The following MAPKAP1 variants were observed in gnomAD, a reference collection of about 807,000 sequenced individuals.
MAPKAP1 encodes target of rapamycin complex 2 subunit MAPKAP1.
MAPKAP1 carries 20 observed loss-of-function variants against 65.7 expected under a neutral mutation model. The ratio of observed to expected loss-of-function variants is 0.30; its 90% confidence interval spans 0.21 to 0.44. MAPKAP1 has a LOEUF of 0.44. Ranked by LOEUF, MAPKAP1 falls within the 20% of genes least tolerant of loss-of-function variation. MAPKAP1 has a pLI of 1.00. For missense variants in MAPKAP1, 423 were observed against 648.0 expected, an observed-to-expected ratio of 0.65 and a Z score of 3.77; for synonymous variants, 222 against 244.3, an observed-to-expected ratio of 0.91 and a Z score of 0.85.
At chr9:125,460,056 G>A (rs2132970700) in intron 10 of MAPKAP1, among the ~76,000 whole-genome samples, 1 of 152,172 alleles carries the variant, frequency 6.6e-6, no homozygotes, top group Admixed American at 6.5e-5. Flanking sequence ...TTATCCAGCT[G>A]AGAAATCTTT....
At chr9:125,476,646 C>T (rs1854121575) in intron 9 of MAPKAP1, among the ~76,000 whole-genome samples, 1 of 152,088 alleles carries the variant, frequency 6.6e-6, no homozygotes, top group Admixed American at 6.5e-5. Context: ...TCCAGGCCAC[C>T]GCTGCTGCTT....
At chr9:125,459,213 G>A (rs1199843871) in intron 10 of MAPKAP1, among the ~76,000 whole-genome samples, 4 of 149,676 alleles carry the variant, frequency 2.7e-5, no homozygotes, top group Non-Finnish European at 4.5e-5. Flanking sequence ...CATCTCAGAC[G>A]ATGGGCGGCG....
At chr9:125,577,502 A>G (rs866687649) in intron 5 of MAPKAP1, among the ~76,000 whole-genome samples, 93 of 80,190 alleles carry the variant, frequency 1.2e-3, no homozygotes, top group African/African-American at 1.8e-3. Context: ...CTGCCAGGCC[A>G]CCCCTACTGG....
chr9:125,444,013 C>T (rs544090012), intron 11 of MAPKAP1, among the ~76,000 whole-genome samples: 10 of 152,204 alleles, frequency 6.6e-5, no homozygotes, highest in Admixed American at 1.3e-4. Context: ...GCCAGGCACA[C>T]GGAAGGTGCT....
intron 7 of MAPKAP1, among the ~76,000 whole-genome samples, chr9:125,524,971 C>G (rs1271746440): frequency 2.6e-5 from 4 of 152,240 alleles, no homozygotes; most frequent in Admixed American, 2.0e-4. Context: ...GCTGCTCTGA[C>G]AAGGGGCCTC....
intron 1 of MAPKAP1, among the ~76,000 whole-genome samples, chr9:125,688,242 G>A (rs1278057232): frequency 6.6e-6 from 1 of 151,986 alleles, no homozygotes; most frequent in Admixed American, 6.6e-5. Context: ...AGGTTCAAGC[G>A]ATTCTCCTAC....
At chr9:125,442,724 T>C (rs1223646401) in intron 11 of MAPKAP1, among the ~76,000 whole-genome samples, 1 of 152,120 alleles carries the variant, frequency 6.6e-6, no homozygotes, top group Non-Finnish European at 1.5e-5. Flanking sequence ...GGGGCTCTGA[T>C]CAGGCTGGTC....
chr9:125,677,586 C>T (rs892897822), intron 1 of MAPKAP1, among the ~76,000 whole-genome samples: 9 of 152,046 alleles, frequency 5.9e-5, no homozygotes, highest in Non-Finnish European at 1.0e-4. Context: ...GTGTCAGCTA[C>T]TCGGGAGGCT....
chr9:125,686,620 C>T (rs1048088292), intron 1 of MAPKAP1, among the ~76,000 whole-genome samples: 2 of 152,136 alleles, frequency 1.3e-5, no homozygotes, highest in Admixed American at 6.6e-5. Flanking sequence ...TGGGTGTTTT[C>T]GCTTCACATT....
chr9:125,687,238 T>C (rs1474274410), intron 1 of MAPKAP1, among the ~76,000 whole-genome samples: 2 of 151,998 alleles, frequency 1.3e-5, no homozygotes, highest in Non-Finnish European at 2.9e-5. Flanking sequence ...GAAACTAATA[T>C]TAACAGAAAA....
At chr9:125,694,728 G>A (rs1835333013) in intron 1 of MAPKAP1, among the ~76,000 whole-genome samples, 1 of 152,188 alleles carries the variant, frequency 6.6e-6, no homozygotes, top group South Asian at 2.1e-4. Flanking sequence ...CAAAGACTGT[G>A]GGAAGGGAAT....
At chr9:125,486,163 C>T (rs1458208852) in intron 8 of MAPKAP1, among the ~76,000 whole-genome samples, 3 of 152,194 alleles carry the variant, frequency 2.0e-5, no homozygotes, top group South Asian at 2.1e-4. Context: ...GCATTTCACA[C>T]GTTACTGCAT....
chr9:125,597,962 T>C lies in MAPKAP1; in HGVS notation c.499-12235A>G, dbSNP rs186527072. On this transcript the variant is annotated intron_variant, in intron 4 of 11. Transcript: ENST00000265960. ...TCTCAAATGAGCACTACTCTAATGA[T>C]AATTAATGGACTTCATTTGATCAGA... Among the ~76,000 whole-genome samples, 5 of 152,124 alleles carry C rather than the reference T, an allele frequency of 3.3e-5. No homozygotes were observed. In the East Asian group the frequency reaches 9.7e-4, roughly 29 times the overall value.
intron 1 of MAPKAP1, among the ~76,000 whole-genome samples, chr9:125,684,102 T>C (rs574309057): frequency 1.3e-5 from 2 of 152,348 alleles, no homozygotes; most frequent in South Asian, 2.1e-4. Flanking sequence ...CATATGAATA[T>C]TATTTTTAAG....
chr9:125,583,377 A>G (rs1831682365), intron 5 of MAPKAP1, among the ~76,000 whole-genome samples: 1 of 152,198 alleles, frequency 6.6e-6, no homozygotes, highest in South Asian at 2.1e-4. Flanking sequence ...TTTGCACGTA[A>G]TTGTATTATA....
At position 125,613,476 on chromosome 9, in the gene MAPKAP1, C is replaced by T. The variant is rs149895812; in HGVS notation, c.499-27749G>A. On this transcript the variant is annotated intron_variant, in intron 4 of 11. Transcript: ENST00000265960. ...AATGTAAGAGGCCTGACCCCCTTAC[C>T]CTAACTTGGGACAACTGTGAAGGTC... Among the ~76,000 whole-genome samples, 839 of 152,264 alleles carry T rather than the reference C, an allele frequency of 5.5e-3. 6 individuals are homozygous for T. Among genetic ancestry groups the T allele is most frequent in the African/African-American group, 0.019 (774 of 41,558 alleles).
At chr9:125,621,975 A>G (rs1031920999) in intron 4 of MAPKAP1, among the ~76,000 whole-genome samples, 1 of 152,254 alleles carries the variant, frequency 6.6e-6, no homozygotes, top group African/African-American at 2.4e-5. Flanking sequence ...GCCTGTCATC[A>G]TCACTGGCAA....
At chr9:125,575,989 C>T (rs966194656) in intron 5 of MAPKAP1, among the ~76,000 whole-genome samples, 3 of 152,174 alleles carry the variant, frequency 2.0e-5, no homozygotes, top group Non-Finnish European at 4.4e-5. Flanking sequence ...GTGGTAAATC[C>T]ATGCAGTCCA....
intron 5 of MAPKAP1, among the ~76,000 whole-genome samples, chr9:125,560,374 C>A (rs1360981401): frequency 6.6e-6 from 1 of 151,944 alleles, no homozygotes; most frequent in South Asian, 2.1e-4. Flanking sequence ...TCGCTTGATC[C>A]CAGGAGTTCA....
Sources: allele counts gnomAD v4.1 joint callset (sites outside exome capture counted in the v4.1 genomes callset), GRCh38; gene constraint gnomAD v4.1.1; transcripts MANE v1.5; gene names NCBI Gene and HGNC (gene_info 2026-07-23, HGNC 2026-07-21).